GALNTL6: variants seen among roughly 807,000 people sequenced by gnomAD.
The protein encoded by GALNTL6 is polypeptide N-acetylgalactosaminyltransferase like 6.
In GALNTL6, 46 loss-of-function variants were observed where a neutral mutation model predicts 73.7. That is an observed-to-expected ratio of 0.62 (90% CI 0.49 to 0.80). GALNTL6 has a LOEUF of 0.80. Among genes scored for constraint, GALNTL6 ranks in the 30% least tolerant of loss-of-function variants. GALNTL6 has a pLI of 0.00. For synonymous variants in GALNTL6, 259 were observed against 263.7 expected (o/e 0.98, Z 0.17); for missense variants, 604 against 755.0 (o/e 0.80, Z 2.34).
At chr4:172,573,210 C>G (rs1210419706) in intron 5 of GALNTL6, among the ~76,000 whole-genome samples, 1 of 152,148 alleles carries the variant, frequency 6.6e-6, no homozygotes, top group Non-Finnish European at 1.5e-5. Context: ...TTTCCCTACT[C>G]TGCATGAATG....
At chr4:172,008,926 G>A (rs1740918394) in intron 2 of GALNTL6, among the ~76,000 whole-genome samples, 1 of 151,940 alleles carries the variant, frequency 6.6e-6, no homozygotes. Context: ...GAAACAAAAA[G>A]TTACATGAAG....
intron 2 of GALNTL6, among the ~76,000 whole-genome samples, chr4:171,881,272 G>A (rs1736440115): frequency 6.6e-6 from 1 of 152,230 alleles, no homozygotes; most frequent in South Asian, 2.1e-4. Flanking sequence ...TGTTAGTATA[G>A]ACTTTTTTAT....
At chr4:172,333,982 A>G (rs942809670) in intron 4 of GALNTL6, among the ~76,000 whole-genome samples, 5 of 152,172 alleles carry the variant, frequency 3.3e-5, no homozygotes, top group African/African-American at 1.2e-4. Context: ...ACTTTGTTGA[A>G]GGTCAGTTGG....
At chr4:172,842,408 G>C (rs2111085849) in intron 7 of GALNTL6, among the ~76,000 whole-genome samples, 1 of 152,218 alleles carries the variant, frequency 6.6e-6, no homozygotes, top group East Asian at 1.9e-4. Context: ...TCTGTATTCT[G>C]TGAAGGGCTT....
chr4:173,037,665 A>C (rs1753748678), intron 12 of GALNTL6, among the ~76,000 whole-genome samples: 1 of 151,216 alleles, frequency 6.6e-6, no homozygotes, highest in Non-Finnish European at 1.5e-5. Context: ...AACATGTCCT[A>C]CTCCTTTTCT....
At chr4:172,086,523 A>T (rs540722743) in intron 2 of GALNTL6, among the ~76,000 whole-genome samples, 10 of 152,222 alleles carry the variant, frequency 6.6e-5, no homozygotes, top group African/African-American at 2.2e-4. Flanking sequence ...TTATTCCTAT[A>T]AACTTTATTC....
intron 2 of GALNTL6, among the ~76,000 whole-genome samples, chr4:171,994,616 A>G (rs1425323615): frequency 6.6e-6 from 1 of 152,074 alleles, no homozygotes; most frequent in African/African-American, 2.4e-5. Context: ...AATCACCAGT[A>G]AAGAACGTAT....
intron 2 of GALNTL6, among the ~76,000 whole-genome samples, chr4:171,966,250 AG>A (rs2111055474): frequency 6.6e-6 from 1 of 152,302 alleles, no homozygotes; most frequent in East Asian, 1.9e-4. Flanking sequence ...ATAGCTGAAT[AG>A]GTTTCTAAGA....
intron 5 of GALNTL6, among the ~76,000 whole-genome samples, chr4:172,591,148 C>T (rs1021578375): frequency 6.6e-6 from 1 of 152,072 alleles, no homozygotes; most frequent in Admixed American, 6.6e-5. Flanking sequence ...ACAATTTAGC[C>T]TCATTCTGTT....
At chr4:172,098,017 T>A (rs527375915) in intron 2 of GALNTL6, among the ~76,000 whole-genome samples, 92 of 152,188 alleles carry the variant, frequency 6.0e-4, no homozygotes, top group Non-Finnish European at 1.1e-3. Flanking sequence ...GACATGACAG[T>A]AAGCATTATT....
intron 2 of GALNTL6, among the ~76,000 whole-genome samples, chr4:172,153,909 G>T (rs1285190275): frequency 6.6e-6 from 1 of 152,218 alleles, no homozygotes; most frequent in African/African-American, 2.4e-5. Flanking sequence ...CTTTCAAGGA[G>T]GCGTTGCCAA....
At chr4:173,034,404 C>A (rs1403935672) in intron 12 of GALNTL6, among the ~76,000 whole-genome samples, 1 of 152,136 alleles carries the variant, frequency 6.6e-6, no homozygotes, top group Non-Finnish European at 1.5e-5. Flanking sequence ...CATGATGTAG[C>A]CCCTGCCTAC....
intron 4 of GALNTL6, among the ~76,000 whole-genome samples, chr4:172,315,660 G>T (rs959935953): frequency 6.6e-6 from 1 of 152,132 alleles, no homozygotes; most frequent in Non-Finnish European, 1.5e-5. Flanking sequence ...CCTGTGATCA[G>T]CCTGAATCTC....
intron 5 of GALNTL6, among the ~76,000 whole-genome samples, chr4:172,696,333 A>G (rs763239078): frequency 2.6e-5 from 4 of 152,184 alleles, no homozygotes; most frequent in Non-Finnish European, 5.9e-5. Flanking sequence ...GTTTCACATA[A>G]TTTTAAATAT....
At chr4:172,077,085 A>G (rs1295335378) in intron 2 of GALNTL6, among the ~76,000 whole-genome samples, 2 of 152,162 alleles carry the variant, frequency 1.3e-5, no homozygotes, top group African/African-American at 4.8e-5. Flanking sequence ...GCTTCCTGTT[A>G]AACCTATGGA....
intron 5 of GALNTL6, among the ~76,000 whole-genome samples, chr4:172,552,634 A>G (rs533064205): frequency 1.1e-3 from 161 of 152,060 alleles, no homozygotes; most frequent in African/African-American, 3.8e-3. Context: ...TACCCGCTCT[A>G]TATACTAGGT....
chr4:172,569,286 A>C (rs1736676819), intron 5 of GALNTL6, among the ~76,000 whole-genome samples: 2 of 152,120 alleles, frequency 1.3e-5, no homozygotes, highest in South Asian at 4.2e-4. Context: ...ACATGATGGA[A>C]AGGGCAAGGG....
intron 2 of GALNTL6, among the ~76,000 whole-genome samples, chr4:172,078,456 G>T (rs558918150): frequency 6.6e-6 from 1 of 152,212 alleles, no homozygotes; most frequent in East Asian, 1.9e-4. Flanking sequence ...CACAGTCTCA[G>T]GTACTATTTA....
Position 172,465,201 on chromosome 4 carries a change from C to T in GALNTL6, c.553+116512C>T, listed in dbSNP as rs141622121. Among the ~76,000 whole-genome samples, 791 of 152,142 alleles carry T rather than the reference C, an allele frequency of 5.2e-3. 6 individuals carry two copies. The highest frequency in any genetic ancestry group is 9.0e-3 in the Non-Finnish European group (611 of 67,990). ...ATATTTAAGAAACTAGTACTGGCAG[C>T]GCGCGGTGGCTCACGCCTGTAATCC... On this transcript the variant is annotated intron_variant, in intron 5 of 12. Coordinates refer to ENST00000506823, the MANE Select transcript of GALNTL6 (RefSeq NM_001034845.3).
Sources: gnomAD v4.1 joint callset for allele counts (sites outside exome capture counted in the v4.1 genomes callset) on GRCh38, gnomAD v4.1.1 for gene constraint, MANE v1.5 for transcripts, NCBI Gene and HGNC (gene_info 2026-07-23, HGNC 2026-07-21) for gene names.